LRFN2: variants seen among roughly 807,000 people sequenced by gnomAD.
LRFN2 encodes leucine-rich repeat and fibronectin type-III domain-containing protein 2.
Under a neutral mutation model 37.3 loss-of-function variants are expected in LRFN2, and 18 were observed. The ratio of observed to expected loss-of-function variants is 0.48; its 90% CI spans 0.33 to 0.72. LRFN2 has a LOEUF of 0.72. Among genes scored for constraint, LRFN2 ranks in the 30% least tolerant of loss-of-function variants. The probability of loss-of-function intolerance (pLI) is 0.02; values close to 1 mark genes in which losing one functional copy is unlikely to be tolerated. For synonymous variants in LRFN2, 556 were observed against 466.6 expected (o/e 1.19, Z -2.47); for missense variants, 1,006 against 1,060.7 (o/e 0.95, Z 0.72).
chr6:40,574,521 G>T (rs59341795), intron 1 of LRFN2, among the ~76,000 whole-genome samples: 2 of 152,134 alleles, frequency 1.3e-5, no homozygotes, highest in Non-Finnish European at 2.9e-5. Flanking sequence ...ATCACGGGGT[G>T]GGGGGTGGCG....
At chr6:40,478,181 A>C (rs554836358) in intron 1 of LRFN2, among the ~76,000 whole-genome samples, 6 of 152,226 alleles carry the variant, frequency 3.9e-5, no homozygotes, top group African/African-American at 1.4e-4. Flanking sequence ...TGCCCTGTAC[A>C]TGCTTTCTCT....
chr6:40,489,881 T>G lies in LRFN2; in HGVS notation c.-18-56750A>C, dbSNP rs576547280. Reference sequence around the variant, plus strand: ...TACCCGCTGCTGCACTCCGTAGGCATGCCCGGGTGCCCCCAGCTCATCTCC... The same window carrying G: ...TACCCGCTGCTGCACTCCGTAGGCAGGCCCGGGTGCCCCCAGCTCATCTCC... On this transcript the variant is annotated intron_variant, in intron 1 of 2. Coordinates refer to ENST00000338305, the MANE Select transcript of LRFN2 (RefSeq NM_020737.3). Among the ~76,000 whole-genome samples, 153 of 152,306 alleles carry G rather than the reference T, an allele frequency of 1.0e-3. 2 individuals carry two copies. Among genetic ancestry groups the G allele is most frequent in the Admixed American group, 8.9e-3 (136 of 15,298 alleles).
At chr6:40,554,176 A>C (rs868263897) in intron 1 of LRFN2, among the ~76,000 whole-genome samples, 4 of 152,210 alleles carry the variant, frequency 2.6e-5, no homozygotes, top group Admixed American at 6.5e-5. Context: ...TCCATGAGAT[A>C]TACTAAAGCA....
In LRFN2 at chr6:40,392,212, G is replaced by C. The variant is rs561379877; in HGVS notation, c.2101C>G (p.Pro701Ala). The change falls in exon 3 of 3, where the codon CCC (proline) becomes GCC (alanine). Residue 701 changes from proline (P) to alanine (A), a missense_variant. This residue lies in a region of LRFN2 where 398 missense variants were observed against 327.6 expected (regional missense o/e 1.21). Transcript: ENST00000338305. The surrounding 1 kb of genome is among the most constrained non-coding windows in gnomAD (Gnocchi z 4.7). The stretch of plus-strand genomic sequence containing the variant: ...AGGCTCCTGGCCCGGGCCGCAGGGG[G>C]CCCCAGCAGTGGCTCTCGGTCCGAG... Reference protein sequence around the residue: ...HHSDREPLLGPPAARARSLLP... With the variant: ...HHSDREPLLGAPAARARSLLP... The C allele has an allele frequency of 1.9e-6, 3 of 1,569,320 alleles. No individual in the cohort carries two copies. In the South Asian group the frequency reaches 3.6e-5, roughly 19 times the overall value.
intron 1 of LRFN2, among the ~76,000 whole-genome samples, chr6:40,563,683 T>C (rs1218497331): frequency 1.3e-5 from 2 of 152,184 alleles, no homozygotes; most frequent in Admixed American, 6.5e-5. Flanking sequence ...ACAAACAGCC[T>C]CATTTCCTGG....
chr6:40,455,430 A>G (rs73732646), intron 1 of LRFN2, among the ~76,000 whole-genome samples: 2,078 of 152,338 alleles, frequency 0.014, 47 homozygotes, highest in African/African-American at 0.046. Context: ...ACCTTGTGGC[A>G]TGAGATCTGG....
At chr6:40,451,100 T>C (rs925059726) in intron 1 of LRFN2, among the ~76,000 whole-genome samples, 1 of 152,234 alleles carries the variant, frequency 6.6e-6, no homozygotes, top group Non-Finnish European at 1.5e-5. Flanking sequence ...TGATATAATC[T>C]AGGAGAGGAG....
intron 2 of LRFN2, among the ~76,000 whole-genome samples, chr6:40,414,276 C>T (rs543283941): frequency 1.3e-5 from 2 of 152,300 alleles, no homozygotes; most frequent in East Asian, 3.9e-4. Flanking sequence ...TAGCTGAGCA[C>T]TATTGAGGCC....
intron 1 of LRFN2, among the ~76,000 whole-genome samples, chr6:40,513,001 C>T (rs1490165878): frequency 6.6e-6 from 1 of 152,100 alleles, no homozygotes; most frequent in Non-Finnish European, 1.5e-5. Context: ...AAACGTCAGG[C>T]CTGATGCTTG....
At chr6:40,540,195 C>T (rs1165942942) in intron 1 of LRFN2, among the ~76,000 whole-genome samples, 2 of 152,152 alleles carry the variant, frequency 1.3e-5, no homozygotes, top group East Asian at 1.9e-4. Flanking sequence ...TTGTCAGGTG[C>T]GTGCGGGGAA....
intron 1 of LRFN2, among the ~76,000 whole-genome samples, chr6:40,487,559 G>T (rs1486405581): frequency 6.6e-6 from 1 of 152,270 alleles, no homozygotes; most frequent in Non-Finnish European, 1.5e-5. Context: ...GATGGGAAAG[G>T]GAGGTAGGCA....
At chr6:40,484,219 C>T (rs764975264) in intron 1 of LRFN2, among the ~76,000 whole-genome samples, 6 of 152,296 alleles carry the variant, frequency 3.9e-5, no homozygotes, top group East Asian at 3.9e-4. Flanking sequence ...AAGCAGACAG[C>T]GGGCCCTGAC....
chr6:40,579,483 G>T (rs1031445651), intron 1 of LRFN2, among the ~76,000 whole-genome samples: 1 of 150,470 alleles, frequency 6.6e-6, no homozygotes, highest in African/African-American at 2.5e-5. Context: ...TTTCTTAAGC[G>T]GACTTCATTA....
At chr6:40,476,560 T>C (rs1295974316) in intron 1 of LRFN2, among the ~76,000 whole-genome samples, 1 of 152,226 alleles carries the variant, frequency 6.6e-6, no homozygotes, top group African/African-American at 2.4e-5. Flanking sequence ...ACTTGCTGTT[T>C]CCCATTCCCT....
chr6:40,504,675 G>A (rs1469330548), intron 1 of LRFN2, among the ~76,000 whole-genome samples: 1 of 152,158 alleles, frequency 6.6e-6, no homozygotes, highest in African/African-American at 2.4e-5. Flanking sequence ...TGAACCTGAA[G>A]CCCAGCTAGA....
intron 1 of LRFN2, among the ~76,000 whole-genome samples, chr6:40,437,920 C>T (rs1763729632): frequency 1.3e-5 from 2 of 152,084 alleles, no homozygotes; most frequent in South Asian, 4.2e-4. Flanking sequence ...AGCCACATGG[C>T]AATTAGGGAA....
At chr6:40,461,539 C>T (rs1764347842) in intron 1 of LRFN2, among the ~76,000 whole-genome samples, 1 of 151,444 alleles carries the variant, frequency 6.6e-6, no homozygotes, top group African/African-American at 2.4e-5. Flanking sequence ...CCCGAAAATA[C>T]AGCAGTAAAC....
In LRFN2 at chr6:40,391,766, G is replaced by T. The variant is rs1036202261; in HGVS notation, c.*177C>A. On this transcript the variant is annotated 3_prime_UTR_variant, in exon 3 of 3. Coordinates refer to ENST00000338305, the MANE Select transcript of LRFN2 (RefSeq NM_020737.3). The stretch of plus-strand genomic sequence containing the variant: ...CATTCCCTGAGCACACCCCGGCCGG[G>T]TGGTGGGGAGGTGATGTGGGTGTTG... 3.1e-5 allele frequency: 17 copies of T among 554,320 alleles called. No homozygotes were observed. The highest frequency in any genetic ancestry group is 5.9e-5 in the African/African-American group (3 of 50,744). 34.3% of individuals were successfully genotyped at this position (554,320 alleles called of 1,614,324 possible).
chr6:40,398,149 T>C (rs1762653629), intron 2 of LRFN2, among the ~76,000 whole-genome samples: 1 of 151,870 alleles, frequency 6.6e-6, no homozygotes, highest in East Asian at 1.9e-4. Context: ...GTCTTGGCTG[T>C]GTGGGGCTGA....
Sources: allele counts gnomAD v4.1 joint callset (sites outside exome capture counted in the v4.1 genomes callset), GRCh38; gene constraint gnomAD v4.1.1; regional missense constraint gnomAD v4.1.1; non-coding constraint Gnocchi (gnomAD v3.1); transcripts MANE v1.5; gene names NCBI Gene and HGNC (gene_info 2026-07-23, HGNC 2026-07-21).